GCKR: variants seen among roughly 807,000 people sequenced by gnomAD.
GCKR encodes the protein glucokinase regulator.
Under a neutral mutation model 82.9 loss-of-function variants are expected in GCKR, and 73 were observed. The observed-to-expected ratio is 0.88, with a 90% CI of 0.73 to 1.07. GCKR has a LOEUF of 1.07. Ranked by LOEUF, GCKR falls within the 50% of genes least tolerant of loss-of-function variation. The pLI is 0.00. For synonymous variants in GCKR, 294 were observed against 291.8 expected (o/e 1.01, Z -0.08); for missense variants, 784 against 782.1 (o/e 1.00, Z -0.03).
intron 16 of GCKR, chr2:27,509,880 T>C (rs908793852): frequency 1.3e-5 from 2 of 152,744 alleles, no homozygotes; most frequent in African/African-American, 4.8e-5. Context: ...CCATACTTGA[T>C]ATGCTGTTTT....
At chr2:27,506,223 C>T (rs991684271) in intron 10 of GCKR, among the ~76,000 whole-genome samples, 2 of 152,156 alleles carry the variant, frequency 1.3e-5, no homozygotes, top group Non-Finnish European at 2.9e-5. Flanking sequence ...TGCCCCTTCC[C>T]AGTGGCTCTC....
chr2:27,514,478 A>G (rs763501053), intron 16 of GCKR, among the ~76,000 whole-genome samples: 3 of 152,186 alleles, frequency 2.0e-5, no homozygotes, highest in Admixed American at 6.5e-5. Flanking sequence ...GTGTGTGTAC[A>G]TATAAGTTTG....
chr2:27,507,923 G>A, intron 14 of GCKR, 54 bp from the exon 15 acceptor site: 1 of 1,327,286 alleles, frequency 7.5e-7, no homozygotes, highest in Non-Finnish European at 1.1e-6. Context: ...AGGGGAGCAG[G>A]AGGAACAGCT....
intron 13 of GCKR, 54 bp downstream of exon 13, chr2:27,507,365 G>A (rs1006827787): frequency 2.1e-5 from 24 of 1,163,686 alleles, no homozygotes; most frequent in Non-Finnish European, 3.0e-5. Context: ...TGTGCTGAGG[G>A]TGGAAGAAAA....
intron 18 of GCKR, 38 bp from the exon 19 acceptor site, chr2:27,523,231 T>C: frequency 6.3e-7 from 1 of 1,584,186 alleles, no homozygotes; most frequent in Non-Finnish European, 8.6e-7. Flanking sequence ...ATGACCTCAT[T>C]CCCTCAGGCT....
intron 7 of GCKR, 62 bp from the exon 8 acceptor site, chr2:27,501,073 G>C (rs1472111282): frequency 7.1e-6 from 8 of 1,133,952 alleles, no homozygotes; most frequent in Middle Eastern, 1.9e-4. Context: ...ATGCACTTGA[G>C]CCTTGGGCAC....
intron 17 of GCKR, 64 bp from the exon 18 acceptor site, chr2:27,522,396 C>A (rs1158587183): frequency 1.9e-6 from 3 of 1,564,848 alleles, no homozygotes; most frequent in Non-Finnish European, 2.6e-6. Flanking sequence ...ATTCTTCTCC[C>A]TTGACTCCAT....
At chr2:27,502,529 G>C (rs1481660288) in intron 8 of GCKR, among the ~76,000 whole-genome samples, 2 of 152,148 alleles carry the variant, frequency 1.3e-5, no homozygotes, top group Admixed American at 6.5e-5. Context: ...AAACTCCCCA[G>C]ATGATTTGGA....
At chr2:27,505,346 A>C (rs1300194642) in intron 9 of GCKR, among the ~76,000 whole-genome samples, 1 of 147,716 alleles carries the variant, frequency 6.8e-6, no homozygotes, top group Non-Finnish European at 1.5e-5. Flanking sequence ...CAGTGAGCCG[A>C]GATCCTGCCA....
chr2:27,499,377 T>A lies in GCKR; in HGVS notation c.496-20T>A. 6.3e-7 allele frequency: 1 copy of A among 1,596,806 alleles called. No individual in the cohort carries two copies. The highest frequency in any genetic ancestry group is 8.6e-7 in the Non-Finnish European group (1 of 1,164,104). On this transcript the variant is annotated intron_variant, in intron 6 of 18. Transcript: ENST00000264717. ...TGGAATCCTCCCAGTTACACTACCT[T>A]GTCCATCCTCCTCTCCTAGGTGGCT...
chr2:27,516,654 T>A lies in GCKR; in HGVS notation c.1423-2134T>A, dbSNP rs76841662. On this transcript the variant is annotated intron_variant, in intron 16 of 18. Transcript: ENST00000264717. ...CAGGCCGATTTTTCCATGTGTACTT[T>A]AAAATGAATGTGTCGCACTCCAAAT... 1.6e-3 allele frequency among the ~76,000 whole-genome samples: 239 copies of A among 152,330 alleles called. 4 individuals are homozygous for A. Among genetic ancestry groups the A allele is most frequent in the Admixed American group, 0.011 (168 of 15,296 alleles).
At chr2:27,509,570 A>G (rs1052392616) in intron 16 of GCKR, 6 of 441,190 alleles carry the variant, frequency 1.4e-5, no homozygotes, top group Admixed American at 2.4e-5. Flanking sequence ...GCCAACTCCT[A>G]GACTCAAGTG....
rs752855374 is a variant in GCKR at position 27,498,263 on chromosome 2, TG to T, written c.300del (p.Leu101TrpfsTer4). On this transcript the variant is annotated frameshift_variant, in exon 4 of 19. Coordinates refer to ENST00000264717, the MANE Select transcript of GCKR (RefSeq NM_001486.4). LOFTEE classifies it high-confidence loss of function. ...KVQEVLKEPD[G>X]GLVVLSGGGT... is the part of the protein sequence containing the mutation. Reference sequence around the variant, plus strand: ...CCTCTTTCCTTCTTCAGGAGCCAGATGGGGGGCTGGTTGTGCTGAGTGGAGG... The same window carrying T: ...CCTCTTTCCTTCTTCAGGAGCCAGATGGGGGCTGGTTGTGCTGAGTGGAGG... 1.2e-6 allele frequency: 2 copies of T among 1,612,850 alleles called. No homozygotes were observed. The highest frequency in any genetic ancestry group is 1.3e-5 in the African/African-American group (1 of 74,870).
chr2:27,503,365 C>T, intron 8 of GCKR, 149 bp from the exon 9 acceptor site: 1 of 694,906 alleles, frequency 1.4e-6, no homozygotes. Flanking sequence ...GGACACAGTG[C>T]CTCTAAAAGT....
chr2:27,513,751 AAC>A (rs1669941119), intron 16 of GCKR, among the ~76,000 whole-genome samples: 1 of 152,078 alleles, frequency 6.6e-6, no homozygotes, highest in Non-Finnish European at 1.5e-5. Flanking sequence ...TCAGTATTTG[AAC>A]ACTCTTTGTT....
At chr2:27,500,309 C>A (rs1028950655) in intron 7 of GCKR, among the ~76,000 whole-genome samples, 2 of 151,816 alleles carry the variant, frequency 1.3e-5, no homozygotes, top group South Asian at 2.1e-4. Context: ...AAACTGGGGA[C>A]CAGGATGCTC....
intron 18 of GCKR, among the ~76,000 whole-genome samples, chr2:27,522,863 C>T (rs1355356160): frequency 6.6e-6 from 1 of 151,504 alleles, no homozygotes; most frequent in Non-Finnish European, 1.5e-5. Flanking sequence ...GCTCCTGATT[C>T]CTGTATCAAA....
intron 17 of GCKR, among the ~76,000 whole-genome samples, chr2:27,521,744 G>C (rs1424776313): frequency 6.6e-6 from 1 of 150,460 alleles, no homozygotes; most frequent in African/African-American, 2.4e-5. Flanking sequence ...TTAGAGACAG[G>C]GTCTCACGCT....
Position 27,496,965 on chromosome 2 carries a change from G to A in GCKR, c.60+1G>A, listed in dbSNP as rs771880546. The A allele has an allele frequency of 1.1e-5, 17 of 1,610,238 alleles. 1 individual carries two copies. In the South Asian group the frequency reaches 1.8e-4, roughly 17 times the overall value. On this transcript the variant is annotated splice_donor_variant, in intron 1 of 18. Coordinates refer to ENST00000264717, the MANE Select transcript of GCKR (RefSeq NM_001486.4). LOFTEE classifies it high-confidence loss of function. ...GACCCCGGAGCCTGGCAAGTGGGAG[G>A]TGAGACCCCTTCTTCATGTTGGCTT...
Sources: gnomAD v4.1 joint callset for allele counts (sites outside exome capture counted in the v4.1 genomes callset) on GRCh38, gnomAD v4.1.1 for gene constraint, MANE v1.5 for transcripts, NCBI Gene and HGNC (gene_info 2026-07-23, HGNC 2026-07-21) for gene names.